The following FBXW2 variants were observed in gnomAD, a reference collection of about 807,000 sequenced individuals.
FBXW2 encodes the protein F-box/WD repeat-containing protein 2.
FBXW2 carries 12 observed loss-of-function variants against 46.0 expected under a neutral mutation model. The ratio of observed to expected loss-of-function variants is 0.26; its 90% CI spans 0.17 to 0.42. The LOEUF (loss-of-function observed/expected upper bound fraction) is 0.42. Ranked by LOEUF, FBXW2 falls within the 10% of genes least tolerant of loss-of-function variation. The pLI, the probability that FBXW2 is intolerant of heterozygous loss-of-function variation, is 1.00. For synonymous variants in FBXW2, 203 were observed against 209.6 expected, an observed-to-expected ratio of 0.97 and a Z score of 0.27; for missense variants, 360 against 537.0, an observed-to-expected ratio of 0.67 and a Z score of 3.26.
At position 120,764,443 on chromosome 9, in the gene FBXW2, G is replaced by C. The variant is rs2044239142; in HGVS notation, c.*116C>G. The C allele has an allele frequency of 5.9e-6, 7 of 1,180,538 alleles. No homozygotes were observed. Among genetic ancestry groups the C allele is most frequent in the Non-Finnish European group, 8.5e-6 (7 of 824,646 alleles). 73.1% of individuals were successfully genotyped at this position (1,180,538 alleles called of 1,614,324 possible). ...AAACATAGATAAATGATTGTGCACT[G>C]CGTGATGATACCATTAGGTGAGAAC... On this transcript the variant is annotated 3_prime_UTR_variant, in exon 8 of 8. Coordinates refer to ENST00000608872, the MANE Select transcript of FBXW2 (RefSeq NM_012164.4).
chr9:120,777,714 G>A (rs1005223414), intron 4 of FBXW2, among the ~76,000 whole-genome samples: 1 of 70,892 alleles, frequency 1.4e-5, no homozygotes, highest in African/African-American at 5.2e-5. Flanking sequence ...CCCCACCCCC[G>A]CCCCCGCCAA....
chr9:120,769,146 G>A (rs759690587), intron 7 of FBXW2, among the ~76,000 whole-genome samples: 3 of 152,190 alleles, frequency 2.0e-5, no homozygotes, highest in Non-Finnish European at 4.4e-5. Context: ...TCATATCTCA[G>A]ACTTATTGAG....
chr9:120,793,391 C>G lies in FBXW2; in HGVS notation c.-167G>C, dbSNP rs993770560. The G allele has an allele frequency of 7.5e-6, 3 of 400,574 alleles. No individual in the cohort carries two copies. Among genetic ancestry groups the G allele is most frequent in the East Asian group, 3.6e-5 (1 of 28,088 alleles). The allele number at this position is 400,574 out of a possible 1,614,324, so 24.8% of individuals were successfully genotyped here. On this transcript the variant is annotated 5_prime_UTR_variant, in exon 1 of 8. Transcript: ENST00000608872. ...CCGCTGCTCCCGGTCCGCAGCCTCACAGGGGAGCGGCTTCCGGTGCTGCCT... is the reference window on the plus strand; with the variant it reads ...CCGCTGCTCCCGGTCCGCAGCCTCAGAGGGGAGCGGCTTCCGGTGCTGCCT...
intron 4 of FBXW2, among the ~76,000 whole-genome samples, chr9:120,776,884 CT>C (rs2044508440): frequency 6.6e-6 from 1 of 152,068 alleles, no homozygotes; most frequent in African/African-American, 2.4e-5. Flanking sequence ...GGAACTCAAT[CT>C]AAGTAGGGAG....
intron 6 of FBXW2, among the ~76,000 whole-genome samples, chr9:120,772,082 A>AAG (rs1343882125): frequency 1.3e-4 from 20 of 151,452 alleles, no homozygotes; most frequent in South Asian, 2.1e-4. Context: ...AAAAAAAAAA[A>AAG]AGAGATGCAG....
chr9:120,776,661 T>A (rs1195575087), intron 4 of FBXW2: 1 of 154,192 alleles, frequency 6.5e-6, no homozygotes, highest in Non-Finnish European at 1.4e-5. Context: ...GAAAACCCAA[T>A]GTAAAGAGAG....
intron 5 of FBXW2, 103 bp downstream of exon 5, chr9:120,775,990 C>G (rs774176562): frequency 1.8e-5 from 25 of 1,398,880 alleles, no homozygotes; most frequent in Admixed American, 6.5e-5. Flanking sequence ...TACAGCAATT[C>G]CATCTTATGA....
At chr9:120,789,776 C>A (rs2044796978) in intron 2 of FBXW2, among the ~76,000 whole-genome samples, 2 of 152,184 alleles carry the variant, frequency 1.3e-5, no homozygotes, top group African/African-American at 4.8e-5. Flanking sequence ...TGTCCAATAT[C>A]AAATTTGGCA....
At chr9:120,772,319 C>T (rs911982827) in intron 6 of FBXW2, among the ~76,000 whole-genome samples, 2 of 152,012 alleles carry the variant, frequency 1.3e-5, no homozygotes, top group Non-Finnish European at 1.5e-5. Context: ...ATGGTGAACT[C>T]CCATCTCTAC....
chr9:120,788,876 T>TA (rs2131377889), intron 2 of FBXW2, among the ~76,000 whole-genome samples: 1 of 152,318 alleles, frequency 6.6e-6, no homozygotes, highest in African/African-American at 2.4e-5. Context: ...GCAGGTGTGG[T>TA]AAGTTATCTG....
In FBXW2 at chr9:120,792,856, C is replaced by T. The variant is rs544938312; in HGVS notation, c.-21+293G>A. ...CTTAGCATTAATATTGTTATCTTTG[C>T]TTTACTTCAAGCAGCACCCCACATA... On this transcript the variant is annotated intron_variant, in intron 2 of 7. Transcript: ENST00000608872. The T allele has an allele frequency of 2.7e-6, 4 of 1,474,830 alleles. No homozygotes were observed. In the African/African-American group the frequency reaches 4.2e-5, roughly 15 times the overall value. 91.4% of individuals were successfully genotyped at this position (1,474,830 alleles called of 1,614,324 possible).
chr9:120,775,872 A>C (rs944901469), intron 5 of FBXW2, among the ~76,000 whole-genome samples: 1 of 152,058 alleles, frequency 6.6e-6, no homozygotes, highest in African/African-American at 2.4e-5. Flanking sequence ...CTATCCACCT[A>C]ATATATTGTG....
chr9:120,783,882 T>C (rs920012702), intron 3 of FBXW2, among the ~76,000 whole-genome samples: 11 of 152,228 alleles, frequency 7.2e-5, no homozygotes, highest in Non-Finnish European at 1.5e-4. Context: ...AAACTGTCTA[T>C]TGCTTACTCA....
chr9:120,766,413 ACATGTGCAAGG>A, intron 7 of FBXW2, among the ~76,000 whole-genome samples: 1 of 152,110 alleles, frequency 6.6e-6, no homozygotes, highest in African/African-American at 2.4e-5. Flanking sequence ...TCAAGCATTT[ACATGTGCAAGG>A]CACCGAACTT....
At chr9:120,774,387 C>T (rs1397363652) in intron 5 of FBXW2, among the ~76,000 whole-genome samples, 1 of 149,506 alleles carries the variant, frequency 6.7e-6, no homozygotes, top group Non-Finnish European at 1.5e-5. Context: ...TGGCACGTGG[C>T]TGTAGTGCTA....
chr9:120,757,557 C>T lies in FBXW2; in HGVS notation c.*7002G>A, dbSNP rs1323070655. ...CAAAATATTATGGTAGTTGTAAAAA[C>T]CTAAAGCACATTTTTGAGAATGTAT... is the stretch of plus-strand genomic sequence containing the variant. On this transcript the variant is annotated 3_prime_UTR_variant, in exon 8 of 8. Transcript: ENST00000608872. 1 of 152,086 alleles carries T rather than the reference C, an allele frequency of 6.6e-6. No homozygotes were observed. The highest frequency in any genetic ancestry group is 1.9e-4 in the East Asian group (1 of 5,196). The allele number at this position is 152,086 out of a possible 1,614,324, so 9.4% of individuals were successfully genotyped here. A position where few individuals can be genotyped will look rare whatever the true frequency, so the allele number is the denominator to read the frequency against.
chr9:120,773,064 ATAATCCCAGTGACTCG>A (rs1175208812), intron 5 of FBXW2, among the ~76,000 whole-genome samples: 2 of 152,134 alleles, frequency 1.3e-5, no homozygotes, highest in African/African-American at 4.8e-5. Context: ...GGTCACGCCT[ATAATCCCAGTGACTCG>A]GAAGGCTGAG....
At chr9:120,789,213 T>C (rs775089495) in intron 2 of FBXW2, among the ~76,000 whole-genome samples, 3 of 152,234 alleles carry the variant, frequency 2.0e-5, no homozygotes, top group Non-Finnish European at 4.4e-5. Flanking sequence ...TGGACGCCAG[T>C]GCTCTCAAGA....
Position 120,776,077 on chromosome 9 carries a change from T to G in FBXW2, c.819+16A>C. The G allele has an allele frequency of 6.2e-7, 1 of 1,612,980 alleles. No homozygotes were observed. The highest frequency in any genetic ancestry group is 8.5e-7 in the Non-Finnish European group (1 of 1,179,550). On this transcript the variant is annotated intron_variant, in intron 5 of 7. Coordinates refer to ENST00000608872, the MANE Select transcript of FBXW2 (RefSeq NM_012164.4). ...AAAAGCCTGATAAGCAGGAGACTTC[T>G]TCCAAGTCTTCCTACCTTGGTGACC...
Sources: allele counts gnomAD v4.1 joint callset (sites outside exome capture counted in the v4.1 genomes callset), GRCh38; gene constraint gnomAD v4.1.1; transcripts MANE v1.5; gene names NCBI Gene and HGNC (gene_info 2026-07-23, HGNC 2026-07-21).